Variants in LHFPL3 observed in about 807,000 individuals in gnomAD.
The protein encoded by LHFPL3 is LHFPL tetraspan subfamily member 3 protein.
Under a neutral mutation model 19.3 loss-of-function variants are expected in LHFPL3, and 5 were observed. That is an observed-to-expected ratio of 0.26 (90% confidence interval 0.14 to 0.54). The LOEUF (loss-of-function observed/expected upper bound fraction) is 0.54. Among genes scored for constraint, LHFPL3 ranks in the 20% least tolerant of loss-of-function variants. The probability of loss-of-function intolerance (pLI) is 0.94; values close to 1 mark genes in which losing one functional copy is unlikely to be tolerated. For missense variants in LHFPL3, 249 were observed against 307.4 expected, an observed-to-expected ratio of 0.81 and a Z score of 1.42; for synonymous variants, 133 against 126.2, an observed-to-expected ratio of 1.05 and a Z score of -0.36.
chr7:104,739,238 T>A (rs913510390), intron 2 of LHFPL3, among the ~76,000 whole-genome samples: 2 of 152,244 alleles, frequency 1.3e-5, no homozygotes, highest in Non-Finnish European at 1.5e-5. Context: ...GTACAAGATT[T>A]ACACTTGCTA....
At chr7:104,369,293 TG>T (rs1554382398) in intron 1 of LHFPL3, among the ~76,000 whole-genome samples, 1 of 152,240 alleles carries the variant, frequency 6.6e-6, no homozygotes, top group Non-Finnish European at 1.5e-5. Context: ...TTACCTTTTC[TG>T]GATATTTTAT....
chr7:104,833,135 C>T (rs1280588747), intron 2 of LHFPL3, among the ~76,000 whole-genome samples: 1 of 55,082 alleles, frequency 1.8e-5, no homozygotes, highest in African/African-American at 6.7e-5. Flanking sequence ...TATATATATA[C>T]ACTCCTCAAG....
intron 1 of LHFPL3, among the ~76,000 whole-genome samples, chr7:104,519,954 G>C (rs1300227567): frequency 2.0e-5 from 3 of 152,018 alleles, no homozygotes; most frequent in South Asian, 2.1e-4. Flanking sequence ...CAAAGTCTTG[G>C]TGAATGTTAA....
intron 1 of LHFPL3, among the ~76,000 whole-genome samples, chr7:104,495,074 C>T (rs1793434760): frequency 6.6e-6 from 1 of 152,186 alleles, no homozygotes; most frequent in Admixed American, 6.5e-5. Flanking sequence ...CAATATATCA[C>T]TCTGTTTCCT....
At chr7:104,430,507 C>T (rs531159206) in intron 1 of LHFPL3, among the ~76,000 whole-genome samples, 6 of 110,424 alleles carry the variant, frequency 5.4e-5, no homozygotes, top group South Asian at 3.7e-4. Flanking sequence ...CTTGCTCTGT[C>T]GCCCAGGCTG....
intron 1 of LHFPL3, among the ~76,000 whole-genome samples, chr7:104,522,576 T>G (rs778229763): frequency 5.3e-5 from 8 of 152,080 alleles, no homozygotes; most frequent in Non-Finnish European, 1.0e-4. Context: ...AGTGCTAGTA[T>G]GTACAAAGTG....
At chr7:104,874,931 A>AT (rs1791908920) in intron 2 of LHFPL3, among the ~76,000 whole-genome samples, 2 of 79,174 alleles carry the variant, frequency 2.5e-5, no homozygotes, top group Non-Finnish European at 6.0e-5. Flanking sequence ...ATTGCCCCCT[A>AT]AATCTCCCAG....
At chr7:104,437,733 G>T (rs1209399906) in intron 1 of LHFPL3, among the ~76,000 whole-genome samples, 1 of 152,142 alleles carries the variant, frequency 6.6e-6, no homozygotes, top group Admixed American at 6.5e-5. Context: ...GGTTATGGGG[G>T]TAGGGACACA....
At chr7:104,507,051 T>C (rs1793713290) in intron 1 of LHFPL3, among the ~76,000 whole-genome samples, 1 of 152,170 alleles carries the variant, frequency 6.6e-6, no homozygotes, top group Non-Finnish European at 1.5e-5. Context: ...ATTTATACAT[T>C]GCATTAAATG....
intron 1 of LHFPL3, among the ~76,000 whole-genome samples, chr7:104,338,825 A>G (rs1789889396): frequency 2.6e-5 from 4 of 152,352 alleles, no homozygotes; most frequent in Admixed American, 2.6e-4. Context: ...CCTCTGAGAA[A>G]CAATATAGCT....
chr7:104,527,908 T>A (rs1794220706), intron 1 of LHFPL3, among the ~76,000 whole-genome samples: 4 of 152,208 alleles, frequency 2.6e-5, no homozygotes, highest in Admixed American at 2.6e-4. Flanking sequence ...GGGCAGAAAC[T>A]ATACTTTTAA....
intron 1 of LHFPL3, among the ~76,000 whole-genome samples, chr7:104,650,835 G>A (rs1170932942): frequency 2.0e-5 from 3 of 152,222 alleles, no homozygotes; most frequent in South Asian, 4.1e-4. Flanking sequence ...ATGGACAACC[G>A]CTTATGGTGA....
At chr7:104,822,815 T>C (rs1344771190) in intron 2 of LHFPL3, among the ~76,000 whole-genome samples, 1 of 151,872 alleles carries the variant, frequency 6.6e-6, no homozygotes, top group East Asian at 1.9e-4. Flanking sequence ...AGGATAAAAG[T>C]AAGGGTAGAA....
rs1791513164 is a variant in LHFPL3 at position 104,856,745 on chromosome 7, C to A, written c.683-49442C>A. ...TTTTTTAATTGCCAGAAATTGAAAG[C>A]AAATTTCTTTCAACATTCCCCTTTT... On this transcript the variant is annotated intron_variant, in intron 2 of 2. Transcript: ENST00000424859. 1.3e-5 allele frequency among the ~76,000 whole-genome samples: 2 copies of A among 152,124 alleles called. 1 individual carries two copies. The highest frequency in any genetic ancestry group is 4.1e-4 in the South Asian group (2 of 4,832).
At chr7:104,735,959 T>C (rs1159750231) in intron 1 of LHFPL3, among the ~76,000 whole-genome samples, 3 of 152,262 alleles carry the variant, frequency 2.0e-5, no homozygotes, top group African/African-American at 7.2e-5. Flanking sequence ...CTCTTTGACA[T>C]ACTAATTTTA....
rs148977768 is a variant in LHFPL3 at position 104,652,376 on chromosome 7, T to C, written c.446-84299T>C. Among the ~76,000 whole-genome samples, 1,071 of 152,324 alleles carry C rather than the reference T, an allele frequency of 7.0e-3. 7 individuals are homozygous for C. Among genetic ancestry groups the C allele is most frequent in the Non-Finnish European group, 0.01 (683 of 68,032 alleles). ...GCAGAACTAGCTGATGGCAGCACCA[T>C]GGACACTTGGGAATTTCTTTTTTAT... On this transcript the variant is annotated intron_variant, in intron 1 of 2. Transcript: ENST00000424859.
intron 1 of LHFPL3, among the ~76,000 whole-genome samples, chr7:104,391,892 G>T (rs1397811518): frequency 6.6e-6 from 1 of 152,080 alleles, no homozygotes; most frequent in African/African-American, 2.4e-5. Context: ...CCTTGAAGAG[G>T]TCCTTCACAT....
intron 2 of LHFPL3, among the ~76,000 whole-genome samples, chr7:104,817,527 T>C (rs530495486): frequency 6.6e-6 from 1 of 152,342 alleles, no homozygotes; most frequent in East Asian, 1.9e-4. Flanking sequence ...GCTTATTTGA[T>C]TGTGTTTAGG....
At chr7:104,442,060 T>C (rs1390060157) in intron 1 of LHFPL3, among the ~76,000 whole-genome samples, 6 of 147,766 alleles carry the variant, frequency 4.1e-5, no homozygotes, top group South Asian at 2.1e-4. Context: ...ACACTTATCT[T>C]TTTTTTTTCT....
Sources: allele counts gnomAD v4.1 joint callset (sites outside exome capture counted in the v4.1 genomes callset), GRCh38; gene constraint gnomAD v4.1.1; transcripts MANE v1.5; gene names NCBI Gene and HGNC (gene_info 2026-07-23, HGNC 2026-07-21).